Variants in LRRC7 observed in about 807,000 individuals in gnomAD.
The protein encoded by LRRC7 is leucine-rich repeat-containing protein 7.
A neutral mutation model predicts 175.7 loss-of-function variants in LRRC7; 23 were observed. The ratio of observed to expected loss-of-function variants is 0.13; its 90% CI spans 0.09 to 0.19. LRRC7 has a LOEUF of 0.19. Among genes scored for constraint, LRRC7 ranks in the 10% least tolerant of loss-of-function variants. LRRC7 has a pLI of 1.00. For missense variants in LRRC7, 1,354 were observed against 1,904.7 expected (o/e 0.71, Z 5.38); for synonymous variants, 685 against 680.9 (o/e 1.01, Z -0.09).
chr1:69,949,890 T>G (rs1217205235), intron 8 of LRRC7, among the ~76,000 whole-genome samples: 1 of 152,174 alleles, frequency 6.6e-6, no homozygotes, highest in Non-Finnish European at 1.5e-5. Flanking sequence ...CGTTTTGGTT[T>G]GTGTTATCAC....
chr1:70,089,710 A>G lies in LRRC7; in HGVS notation c.4453-17A>G. Reference sequence around the variant, plus strand: ...TTGATAACTGTTTACTTACCATTTTATATCTTTTTTACATAGTTTTGTGTG... The same window carrying G: ...TTGATAACTGTTTACTTACCATTTTGTATCTTTTTTACATAGTTTTGTGTG... On this transcript the variant is annotated splice_polypyrimidine_tract_variant and intron_variant, in intron 24 of 26. Transcript: ENST00000651989. 6.6e-7 allele frequency: 1 copy of G among 1,515,102 alleles called. No homozygotes were observed. The highest frequency in any genetic ancestry group is 9.1e-7 in the Non-Finnish European group (1 of 1,101,076). The allele number at this position is 1,515,102 out of a possible 1,614,324, so 93.9% of individuals were successfully genotyped here.
intron 1 of LRRC7, among the ~76,000 whole-genome samples, chr1:69,587,520 T>G (rs1275853865): frequency 6.6e-6 from 1 of 152,198 alleles, no homozygotes; most frequent in Non-Finnish European, 1.5e-5. Flanking sequence ...CCCAGCTCTT[T>G]GATGTGGCTA....
chr1:69,975,887 TTA>T (rs1405363360), intron 8 of LRRC7, among the ~76,000 whole-genome samples: 1 of 151,492 alleles, frequency 6.6e-6, no homozygotes, highest in Non-Finnish European at 1.5e-5. Context: ...CTCTTGGAAT[TTA>T]CTCAGTTTTT....
Position 70,143,757 on chromosome 1 carries a change from A to T in LRRC7, c.*21870A>T, listed in dbSNP as rs531858212. 5.7e-4 allele frequency: 87 copies of T among 152,318 alleles called. No homozygotes were observed. Among genetic ancestry groups the T allele is most frequent in the African/African-American group, 2.1e-3 (86 of 41,584 alleles). 9.4% of individuals were successfully genotyped at this position (152,318 alleles called of 1,614,324 possible). A position where few individuals can be genotyped will look rare whatever the true frequency, so the allele number is the denominator to read the frequency against. ...TTTACCATTTTATAAAAAAAATCAA[A>T]TCACAACATGTTTAACTGAAATGGC... On this transcript the variant is annotated 3_prime_UTR_variant, in exon 27 of 27. Transcript: ENST00000651989.
At chr1:69,681,356 G>A (rs1017388728) in intron 2 of LRRC7, among the ~76,000 whole-genome samples, 22 of 152,138 alleles carry the variant, frequency 1.4e-4, no homozygotes, top group Admixed American at 3.9e-4. Flanking sequence ...TCAGACCATA[G>A]GATCCTCCAG....
intron 7 of LRRC7, among the ~76,000 whole-genome samples, chr1:69,899,193 A>G (rs945466857): frequency 4.6e-5 from 7 of 152,212 alleles, no homozygotes; most frequent in African/African-American, 1.4e-4. Flanking sequence ...TTCAGGCATA[A>G]TTATGAAGTT....
chr1:69,663,721 T>G (rs1657843845), intron 1 of LRRC7, among the ~76,000 whole-genome samples: 1 of 131,882 alleles, frequency 7.6e-6, no homozygotes, highest in Non-Finnish European at 1.6e-5. Flanking sequence ...TTTTTTTTTT[T>G]TTTTTTTTTT....
chr1:69,805,350 C>G (rs72675068), intron 4 of LRRC7, among the ~76,000 whole-genome samples: 1 of 151,842 alleles, frequency 6.6e-6, no homozygotes, highest in Non-Finnish European at 1.5e-5. Context: ...GCACATTACT[C>G]TTGAGACTCT....
At position 69,591,366 on chromosome 1, in the gene LRRC7, A is replaced by G. The variant is rs571829040; in HGVS notation, c.2+22725A>G. 7.9e-5 allele frequency among the ~76,000 whole-genome samples: 12 copies of G among 152,176 alleles called. No homozygotes were observed. The East Asian group carries it at 2.3e-3, about 29-fold the overall frequency. On this transcript the variant is annotated intron_variant, in intron 1 of 26. Coordinates refer to ENST00000651989, the MANE Select transcript of LRRC7 (RefSeq NM_001370785.2). Reference sequence around the variant, plus strand: ...TGTCTGAGAATTTTTTTGGGTTGCCACTTCATAAAAAGGGTGGGAATAAGA... The same window carrying G: ...TGTCTGAGAATTTTTTTGGGTTGCCGCTTCATAAAAAGGGTGGGAATAAGA...
At chr1:69,693,308 C>A (rs1662131641) in intron 2 of LRRC7, among the ~76,000 whole-genome samples, 1 of 152,106 alleles carries the variant, frequency 6.6e-6, no homozygotes, top group Non-Finnish European at 1.5e-5. Flanking sequence ...ATCTGAGACT[C>A]AAATTTGACC....
intron 3 of LRRC7, among the ~76,000 whole-genome samples, chr1:69,784,160 T>C (rs936836253): frequency 2.0e-5 from 3 of 152,186 alleles, no homozygotes; most frequent in African/African-American, 4.8e-5. Context: ...TATTACTCCA[T>C]CCATATAAAG....
intron 2 of LRRC7, among the ~76,000 whole-genome samples, chr1:69,707,803 TAGAACTAATGA>T (rs1664236471): frequency 6.6e-6 from 1 of 152,186 alleles, no homozygotes; most frequent in Non-Finnish European, 1.5e-5. Context: ...ACTCTTGCTT[TAGAACTAATGA>T]AGTGCAATAA....
chr1:69,575,394 C>T (rs1254612640), intron 1 of LRRC7, among the ~76,000 whole-genome samples: 1 of 152,082 alleles, frequency 6.6e-6, no homozygotes, highest in Non-Finnish European at 1.5e-5. Flanking sequence ...AATTTTTGGC[C>T]TGAATTTCAA....
chr1:69,886,925 T>C (rs963959926), intron 7 of LRRC7, among the ~76,000 whole-genome samples: 1 of 152,104 alleles, frequency 6.6e-6, no homozygotes, highest in African/African-American at 2.4e-5. Flanking sequence ...TTCTTTTCTT[T>C]AAGAATGTTG....
intron 1 of LRRC7, among the ~76,000 whole-genome samples, chr1:69,635,454 AAATAGAT>A (rs1653183663): frequency 6.6e-6 from 1 of 152,152 alleles, no homozygotes; most frequent in Non-Finnish European, 1.5e-5. Context: ...TGAGAATCTA[AAATAGAT>A]AATAGATAAG....
chr1:70,003,466 C>G (rs1655720359), intron 11 of LRRC7, among the ~76,000 whole-genome samples: 1 of 152,048 alleles, frequency 6.6e-6, no homozygotes, highest in Non-Finnish European at 1.5e-5. Context: ...AGTTGGTTTT[C>G]AAGTCAAAGA....
At chr1:69,778,443 G>A (rs529359210) in intron 3 of LRRC7, among the ~76,000 whole-genome samples, 9 of 152,180 alleles carry the variant, frequency 5.9e-5, no homozygotes, top group Non-Finnish European at 1.2e-4. Flanking sequence ...AATATTTATT[G>A]CATAAATACT....
chr1:69,907,587 A>G (rs2101688434), intron 7 of LRRC7, among the ~76,000 whole-genome samples: 1 of 152,310 alleles, frequency 6.6e-6, no homozygotes, highest in Non-Finnish European at 1.5e-5. Flanking sequence ...ATGTTGAACC[A>G]GCCTTGCATC....
At position 70,137,494 on chromosome 1, in the gene LRRC7, C is replaced by T. The variant is rs1402998566; in HGVS notation, c.*15607C>T. On this transcript the variant is annotated 3_prime_UTR_variant, in exon 27 of 27. Transcript: ENST00000651989. ...CTGGTGGACTTGCATATCTTTAACA[C>T]TTATCATGTACCTACATACAAGGAA... Among the ~76,000 whole-genome samples, 1 of 152,210 alleles carries T rather than the reference C, an allele frequency of 6.6e-6. No individual in the cohort carries two copies.
Sources: gnomAD v4.1 joint callset for allele counts (sites outside exome capture counted in the v4.1 genomes callset) on GRCh38, gnomAD v4.1.1 for gene constraint, MANE v1.5 for transcripts, NCBI Gene and HGNC (gene_info 2026-07-23, HGNC 2026-07-21) for gene names.